TK1: variants seen among roughly 807,000 people sequenced by gnomAD.
TK1 encodes thymidine kinase 1.
Under a neutral mutation model 22.4 loss-of-function variants are expected in TK1, and 13 were observed. The observed-to-expected ratio is 0.58, with a 90% CI of 0.38 to 0.92. TK1 has a LOEUF of 0.92. Among genes scored for constraint, TK1 ranks in the 40% least tolerant of loss-of-function variants. TK1 has a pLI of 0.00. For missense variants in TK1, 251 were observed against 315.7 expected (o/e 0.80, Z 1.55); for synonymous variants, 134 against 125.4 (o/e 1.07, Z -0.46).
At chr17:78,183,901 G>A (rs1370024102) in intron 3 of TK1, 3 of 152,234 alleles carry the variant, frequency 2.0e-5, no homozygotes, top group East Asian at 1.9e-4. Flanking sequence ...GCAGCCTCTC[G>A]AGCCATCAAT....
At chr17:78,180,747 G>A (rs2075732516) in intron 4 of TK1, among the ~76,000 whole-genome samples, 1 of 152,228 alleles carries the variant, frequency 6.6e-6, no homozygotes, top group South Asian at 2.1e-4. Context: ...TGGATGAGGA[G>A]AGAAATACCT....
At position 78,175,049 on chromosome 17, in the gene TK1, C is replaced by T. The variant is rs2075688119; in HGVS notation, c.513+1G>A. On this transcript the variant is annotated splice_donor_variant, in intron 6 of 6. Transcript: ENST00000301634. LOFTEE classifies it high-confidence loss of function. ...CCTGCAGGGAAGGCAGGTGGAGCTA[C>T]CTCCTTCTCTGTGCCGAGCCTCTTG... The T allele has an allele frequency of 6.2e-7, 1 of 1,613,388 alleles. No individual in the cohort carries two copies. The highest frequency in any genetic ancestry group is 8.5e-7 in the Non-Finnish European group (1 of 1,179,664).
chr17:78,175,248 G>A, intron 5 of TK1, 79 bp from the exon 6 acceptor site: 9 of 1,431,336 alleles, frequency 6.3e-6, no homozygotes, highest in Non-Finnish European at 7.4e-6. Context: ...TGATTCACAA[G>A]CACTGAAGCC....
At position 78,174,681 on chromosome 17, in the gene TK1, G is replaced by A; in HGVS notation, c.*78C>T. On this transcript the variant is annotated 3_prime_UTR_variant, in exon 7 of 7. Transcript: ENST00000301634. The stretch of plus-strand genomic sequence containing the variant: ...CTCCACGCCTCCCGACTTCCTCCTG[G>A]AGTGGCTGGGCAGCATGCAGGGCAG... 2.1e-6 allele frequency: 3 copies of A among 1,461,386 alleles called. No homozygotes were observed. The highest frequency in any genetic ancestry group is 2.7e-6 in the Non-Finnish European group (3 of 1,097,704). The allele number at this position is 1,461,386 out of a possible 1,614,324, so 90.5% of individuals were successfully genotyped here.
chr17:78,179,641 G>A (rs2075725018), intron 4 of TK1: 1 of 985,348 alleles, frequency 1.0e-6, no homozygotes, highest in African/African-American at 1.7e-5. Flanking sequence ...GGCCTTTTGA[G>A]GGGACAGGCC....
At chr17:78,179,759 C>G (rs1419366520) in intron 4 of TK1, 1 of 985,214 alleles carries the variant, frequency 1.0e-6, no homozygotes, top group East Asian at 1.1e-4. Flanking sequence ...ATTTATTCTT[C>G]CTCCAGGGTA....
In TK1 at chr17:78,186,973, T is replaced by C; in HGVS notation, c.22A>G (p.Thr8Ala). Residue 8 changes from threonine to alanine, a missense_variant, in exon 1 of 7, where the codon ACT becomes GCT. Coordinates refer to ENST00000301634, the MANE Select transcript of TK1 (RefSeq NM_003258.5). MSCINLP[T>A]VLPGSPSKTR... ...TTGCTGGGGGAGCCAGGCAGCACAG[T>C]GGGCAGGTTAATGCAGCTCATTGCG... 1 of 1,579,574 alleles carries C rather than the reference T, an allele frequency of 6.3e-7. No homozygotes were observed. Among genetic ancestry groups the C allele is most frequent in the Non-Finnish European group, 8.6e-7 (1 of 1,163,148 alleles).
chr17:78,175,197 G>A (rs748793210), intron 5 of TK1, 28 bp from the exon 6 acceptor site: 15 of 1,578,518 alleles, frequency 9.5e-6, no homozygotes, highest in East Asian at 4.7e-5. Context: ...GACAGAGGGC[G>A]CTCAGCCACC....
rs759733046 is a variant in TK1, at chr17:78,175,522, G to A, written c.393+7C>T. 9.3e-6 allele frequency: 15 copies of A among 1,611,958 alleles called. No individual in the cohort carries two copies. Among genetic ancestry groups the A allele is most frequent in the African/African-American group, 5.3e-5 (4 of 74,834 alleles). On this transcript the variant is annotated splice_region_variant and intron_variant, in intron 5 of 6. Coordinates refer to ENST00000301634, the MANE Select transcript of TK1 (RefSeq NM_003258.5). ...TCCCAGCTCCAGACCTGGATCAGAC[G>A]CCTTACCTTCCTCTGGAAGGTCCCA...
chr17:78,179,556 TCC>T, intron 4 of TK1: 2 of 985,270 alleles, frequency 2.0e-6, no homozygotes, highest in Non-Finnish European at 2.4e-6. Context: ...CCCGTCAGCC[TCC>T]CCACGGGAAT....
Position 78,174,461 on chromosome 17 carries a change from C to T in TK1, c.*298G>A. On this transcript the variant is annotated 3_prime_UTR_variant, in exon 7 of 7. Transcript: ENST00000301634. ...GCAGGCTGATGTCAACAGCGTGGGG[C>T]TCTGTCCCTCACCCCAAGGAGAGGG... 2 of 428,362 alleles carry T rather than the reference C, an allele frequency of 4.7e-6. No individual in the cohort carries two copies. Among genetic ancestry groups the T allele is most frequent in the Non-Finnish European group, 4.2e-6 (1 of 237,388 alleles). 26.5% of individuals were successfully genotyped at this position (428,362 alleles called of 1,614,324 possible).
chr17:78,185,199 G>A (rs559587359), intron 2 of TK1, 34 bp from the exon 3 acceptor site: 71 of 1,564,536 alleles, frequency 4.5e-5, no homozygotes, highest in South Asian at 6.7e-5. Flanking sequence ...TGAGGTCCAC[G>A]GCGGGAGGAG....
chr17:78,174,903 G>C lies in TK1; in HGVS notation c.561C>G (p.Leu187=). The C allele has an allele frequency of 6.2e-7, 1 of 1,613,936 alleles. No individual in the cohort carries two copies. Among genetic ancestry groups the C allele is most frequent in the Non-Finnish European group, 8.5e-7 (1 of 1,179,882 alleles). Residue 187 remains leucine (L), a synonymous_variant, in exon 7 of 7, where the codon CTC becomes CTG. Transcript: ENST00000301634. ...GADKYHSVCR[L]CYFKKASGQP... ...GGCCTGAGGCCTTCTTGAAGTAGCAGAGCCGACACACGGAGTGGTACTTGT... is the reference window on the plus strand; with the variant it reads ...GGCCTGAGGCCTTCTTGAAGTAGCACAGCCGACACACGGAGTGGTACTTGT...
intron 4 of TK1, chr17:78,179,854 G>A (rs2075726582): frequency 1.6e-6 from 1 of 606,846 alleles, no homozygotes; most frequent in Non-Finnish European, 2.1e-6. Context: ...CAGATCACCT[G>A]AGGTTAGGAG....
intron 4 of TK1, among the ~76,000 whole-genome samples, chr17:78,181,694 C>T (rs957457576): frequency 6.6e-6 from 1 of 151,994 alleles, no homozygotes; most frequent in South Asian, 2.1e-4. Context: ...ACTTCAACAA[C>T]AAGAAAATAA....
chr17:78,179,561 A>G lies in TK1; in HGVS notation c.303+3028T>C, dbSNP rs2075724573. The G allele has an allele frequency of 6.1e-6, 6 of 985,406 alleles. No individual in the cohort carries two copies. In the South Asian group the frequency reaches 2.8e-4, roughly 46 times the overall value. 61.0% of individuals were successfully genotyped at this position (985,406 alleles called of 1,614,324 possible). Reference sequence around the variant, plus strand: ...GGGGAAGGGACCCGTCAGCCTCCCCACGGGAATGGAATTTGCAGCTGTGAC... The same window carrying G: ...GGGGAAGGGACCCGTCAGCCTCCCCGCGGGAATGGAATTTGCAGCTGTGAC... On this transcript the variant is annotated intron_variant, in intron 4 of 6. Coordinates refer to ENST00000301634, the MANE Select transcript of TK1 (RefSeq NM_003258.5).
At chr17:78,183,116 C>T (rs908153217) in intron 3 of TK1, among the ~76,000 whole-genome samples, 7 of 152,270 alleles carry the variant, frequency 4.6e-5, no homozygotes, top group Admixed American at 3.9e-4. Flanking sequence ...GTGATCCACC[C>T]GCCTTAGCCT....
intron 4 of TK1, 43 bp downstream of exon 4, chr17:78,182,546 C>CG: frequency 6.8e-7 from 1 of 1,467,192 alleles, no homozygotes; most frequent in Non-Finnish European, 9.2e-7. Flanking sequence ...GAGGACAGAG[C>CG]GGAAGCTGGC....
chr17:78,177,887 T>C (rs2145823603), intron 4 of TK1, among the ~76,000 whole-genome samples: 1 of 151,936 alleles, frequency 6.6e-6, no homozygotes, highest in East Asian at 1.9e-4. Context: ...TCTATTTTTT[T>C]TGAGACAGAG....
Sources: gnomAD v4.1 joint callset for allele counts (sites outside exome capture counted in the v4.1 genomes callset) on GRCh38, gnomAD v4.1.1 for gene constraint, MANE v1.5 for transcripts, NCBI Gene and HGNC (gene_info 2026-07-23, HGNC 2026-07-21) for gene names.